Variants in RGPD2 observed in about 807,000 individuals in gnomAD.
The protein encoded by RGPD2 is RANBP2 like and GRIP domain containing 2.
RGPD2 carries 2 observed loss-of-function variants against 36.0 expected under a neutral mutation model. The ratio of observed to expected loss-of-function variants is 0.06; its 90% CI spans 0.02 to 0.17. The LOEUF (loss-of-function observed/expected upper bound fraction) is 0.17, where lower values mean the gene tolerates loss of function less well. Among genes scored for constraint, RGPD2 ranks in the 10% least tolerant of loss-of-function variants. RGPD2 has a pLI of 1.00. For missense variants in RGPD2, 40 were observed against 464.3 expected, an observed-to-expected ratio of 0.09 and a Z score of 8.40; for synonymous variants, 19 against 163.8, an observed-to-expected ratio of 0.12 and a Z score of 6.75.
chr2:87,958,204 C>G, the RGPD2 span, among the ~76,000 whole-genome samples: 1 of 151,916 alleles, frequency 6.6e-6, no homozygotes, highest in African/African-American at 2.4e-5. Context: ...GGTATAACTC[C>G]ATATGGTTAA....
At chr2:87,809,710 G>A (rs1686096116) in intron 6 of RGPD2, among the ~76,000 whole-genome samples, 1 of 151,166 alleles carries the variant, frequency 6.6e-6, no homozygotes, top group African/African-American at 2.4e-5. Context: ...GGTGGCACCA[G>A]CTTTTTATCT....
At chr2:87,825,606 AGGCCGCCGCCC>A (rs1193891117) in intron 1 of RGPD2, 41 bp downstream of exon 1, 1 of 1,402,056 alleles carries the variant, frequency 7.1e-7, no homozygotes, top group African/African-American at 1.5e-5. Context: ...GGCCAGGTCG[AGGCCGCCGCCC>A]GGCCAGGTCG....
At chr2:87,973,969 G>A in the RGPD2 span, among the ~76,000 whole-genome samples, 5 of 152,076 alleles carry the variant, frequency 3.3e-5, no homozygotes, top group African/African-American at 7.2e-5. Context: ...GTGTCTGATC[G>A]CTCTGACACT....
chr2:87,878,567 T>C, the RGPD2 span, among the ~76,000 whole-genome samples: 76 of 152,238 alleles, frequency 5.0e-4, no homozygotes, highest in Non-Finnish European at 1.9e-4. Context: ...TCACCTGAAA[T>C]ACTTATCTGT....
the RGPD2 span, among the ~76,000 whole-genome samples, chr2:87,927,232 T>C: frequency 7.6e-6 from 1 of 131,416 alleles, no homozygotes; most frequent in Non-Finnish European, 1.7e-5. Context: ...CCATAATTGT[T>C]AAGGATGACA....
chr2:87,844,898 T>C, the RGPD2 span, among the ~76,000 whole-genome samples: 1 of 126,586 alleles, frequency 7.9e-6, no homozygotes, highest in Non-Finnish European at 1.6e-5. Flanking sequence ...CAGTATTTTG[T>C]AGTTGCCTCT....
At chr2:87,858,139 A>G in the RGPD2 span, among the ~76,000 whole-genome samples, 59 of 152,296 alleles carry the variant, frequency 3.9e-4, no homozygotes, top group African/African-American at 1.3e-3. Context: ...TCAGACAGGC[A>G]TGGTGGTGCG....
the RGPD2 span, among the ~76,000 whole-genome samples, chr2:87,940,659 A>G: frequency 6.9e-6 from 1 of 144,436 alleles, no homozygotes; most frequent in South Asian, 2.2e-4. Flanking sequence ...TGTGTGTGAC[A>G]GAAAGAGAGA....
chr2:87,971,980 T>C, the RGPD2 span, among the ~76,000 whole-genome samples: 1 of 150,052 alleles, frequency 6.7e-6, no homozygotes, highest in Non-Finnish European at 1.5e-5. Context: ...ATACTGGGAA[T>C]AAGAATGTCC....
chr2:87,861,567 T>C, the RGPD2 span, among the ~76,000 whole-genome samples: 1 of 152,228 alleles, frequency 6.6e-6, no homozygotes, highest in East Asian at 1.9e-4. Flanking sequence ...TCCCTGGTAA[T>C]AGCTAAGCTT....
At chr2:87,834,163 C>T in the RGPD2 span, among the ~76,000 whole-genome samples, 1 of 143,488 alleles carries the variant, frequency 7.0e-6, no homozygotes, top group East Asian at 2.1e-4. Context: ...GCGTGATTCA[C>T]CATGAACAGA....
chr2:87,887,130 T>C, the RGPD2 span, among the ~76,000 whole-genome samples: 1 of 151,676 alleles, frequency 6.6e-6, no homozygotes, highest in African/African-American at 2.4e-5. Flanking sequence ...TTTAAAAAAA[T>C]GTTAGTTTTC....
chr2:87,911,327 C>T, the RGPD2 span, among the ~76,000 whole-genome samples: 4 of 145,160 alleles, frequency 2.8e-5, no homozygotes, highest in African/African-American at 1.0e-4. Flanking sequence ...CAAATGAAAT[C>T]GATTGGCAGA....
chr2:87,882,191 G>GT, the RGPD2 span, among the ~76,000 whole-genome samples: 62 of 149,536 alleles, frequency 4.1e-4, no homozygotes, highest in Non-Finnish European at 4.3e-4. Flanking sequence ...ATGTCACACA[G>GT]TTTTTTTTTT....
the RGPD2 span, among the ~76,000 whole-genome samples, chr2:87,985,200 A>G: frequency 6.7e-6 from 1 of 148,694 alleles, no homozygotes; most frequent in African/African-American, 2.5e-5. Context: ...TATACCATTA[A>G]CAGAGTAGAT....
At chr2:87,843,809 A>C in the RGPD2 span, among the ~76,000 whole-genome samples, 1 of 151,940 alleles carries the variant, frequency 6.6e-6, no homozygotes, top group Non-Finnish European at 1.5e-5. Flanking sequence ...CTTGGAACCA[A>C]CCCAAATGTC....
the RGPD2 span, among the ~76,000 whole-genome samples, chr2:87,888,403 G>T: frequency 2.8e-5 from 4 of 143,504 alleles, no homozygotes; most frequent in Admixed American, 2.1e-4. Context: ...TGGATTTAGG[G>T]CCAAGATTTT....
the RGPD2 span, among the ~76,000 whole-genome samples, chr2:87,864,956 T>C: frequency 6.6e-6 from 1 of 152,206 alleles, no homozygotes; most frequent in African/African-American, 2.4e-5. Flanking sequence ...ATCTAATTTA[T>C]AGGTGTGACC....
At chr2:87,915,955 G>A in the RGPD2 span, among the ~76,000 whole-genome samples, 1 of 150,652 alleles carries the variant, frequency 6.6e-6, no homozygotes, top group South Asian at 2.1e-4. Flanking sequence ...GGAAGGGAGG[G>A]AAAGAGAGAA....
Sources: allele counts gnomAD v4.1 joint callset (sites outside exome capture counted in the v4.1 genomes callset), GRCh38; gene constraint gnomAD v4.1.1; transcripts MANE v1.5; gene names NCBI Gene and HGNC (gene_info 2026-07-23, HGNC 2026-07-21).